The following PRSS56 variants were observed in gnomAD, a reference collection of about 807,000 sequenced individuals.
The protein encoded by PRSS56 is serine protease 56, also known as protease, serine 56.
A neutral mutation model predicts 66.8 loss-of-function variants in PRSS56; 55 were observed. The observed-to-expected ratio is 0.82, with a 90% CI of 0.66 to 1.03. The LOEUF is 1.03. PRSS56 is among the 50% of genes least tolerant of loss of function. The pLI is 0.00. For synonymous variants in PRSS56, 409 were observed against 387.9 expected (o/e 1.05, Z -0.64); for missense variants, 869 against 837.2 (o/e 1.04, Z -0.47).
At chr2:232,521,529 G>A (rs552022874) in intron 2 of PRSS56, 101 bp downstream of exon 2, 4 of 1,006,110 alleles carry the variant, frequency 4.0e-6, no homozygotes, top group South Asian at 1.4e-5. Context: ...TCCTCTTGGG[G>A]GCAGAGACTG....
In PRSS56 at chr2:232,523,820, C is replaced by A. The variant is rs1007273591; in HGVS notation, c.1061C>A (p.Pro354His). Residue 354 changes from proline (P) to histidine (H), a missense_variant, in exon 9 of 13, where the codon CCC (proline) becomes CAC (histidine). By Grantham distance (77) the Pro-to-His change is moderately conservative. Transcript: ENST00000617714. ...TGCAGGGAGCTTCTGGCCTGGGACC[C>A]CCCCCAGGAGCTGCAGGCAGACGCC... ...PSCRELLAWD[P>H]PQELQADAAR... 8 of 1,533,672 alleles carry A rather than the reference C, an allele frequency of 5.2e-6. No homozygotes were observed. Among genetic ancestry groups the A allele is most frequent in the South Asian group, 3.6e-5 (3 of 83,956 alleles).
rs1012378462 is a variant in PRSS56 at position 232,525,519 on chromosome 2, C to A, written c.*13C>A. On this transcript the variant is annotated 3_prime_UTR_variant, in exon 13 of 13. Coordinates refer to ENST00000617714, the MANE Select transcript of PRSS56 (RefSeq NM_001195129.2). Reference sequence around the variant, plus strand: ...CAGGCAACCCTGAGCCATGTCTGGGCCCCCAGCCCCTGGGGAGGACCTACT... The same window carrying A: ...CAGGCAACCCTGAGCCATGTCTGGGACCCCAGCCCCTGGGGAGGACCTACT... 6.9e-6 allele frequency: 10 copies of A among 1,450,658 alleles called. No individual in the cohort carries two copies. The African/African-American group carries it at 1.0e-4, about 14-fold the overall frequency. The allele number at this position is 1,450,658 out of a possible 1,614,324, so 89.9% of individuals were successfully genotyped here. A position where few individuals can be genotyped will look rare whatever the true frequency, so the allele number is the denominator to read the frequency against.
Position 232,525,665 on chromosome 2 carries a change from C to A in PRSS56, c.*159C>A. 1.8e-6 allele frequency: 1 copy of A among 563,384 alleles called. No homozygotes were observed. Among genetic ancestry groups the A allele is most frequent in the Non-Finnish European group, 3.0e-6 (1 of 335,652 alleles). 34.9% of individuals were successfully genotyped at this position (563,384 alleles called of 1,614,324 possible). A position where few individuals can be genotyped will look rare whatever the true frequency, so the allele number is the denominator to read the frequency against. ...GGCCCCCCGTGTCTTCCCAGGTTTA[C>A]AATCAGAGAATCACAGCTGCTTTAA... On this transcript the variant is annotated 3_prime_UTR_variant, in exon 13 of 13. Transcript: ENST00000617714.
chr2:232,522,465 C>G (rs1361180782), intron 4 of PRSS56, 50 bp from the exon 5 acceptor site: 15 of 1,443,158 alleles, frequency 1.0e-5, no homozygotes, highest in Non-Finnish European at 1.4e-5. Context: ...GAGGGGCCTG[C>G]GGGGTGTGCC....
rs1433052902 is a variant in PRSS56, at chr2:232,524,320, A to G, written c.1365A>G (p.Ala455=). 6.5e-7 allele frequency: 1 copy of G among 1,535,698 alleles called. No homozygotes were observed. Among genetic ancestry groups the G allele is most frequent in the Non-Finnish European group, 8.7e-7 (1 of 1,146,808 alleles). The change falls in exon 11 of 13, where the codon GCA becomes GCG. Residue 455 remains alanine (A), a synonymous_variant. Transcript: ENST00000617714. The stretch of plus-strand genomic sequence containing the variant: ...GTGCCTCCCCAGGATCGCGGGCTGC[A>G]GGCACTCGGTTCCCGAAGCGGAGGC... The part of the protein sequence containing the change: ...ELRLHSGSRA[A]GTRFPKRRPE...
intron 1 of PRSS56, 60 bp from the exon 2 acceptor site, chr2:232,521,261 G>A (rs1158141592): frequency 3.0e-6 from 4 of 1,355,688 alleles, no homozygotes; most frequent in Admixed American, 2.0e-5. Flanking sequence ...CTGGGGCCAG[G>A]AGGATGAGGC....
intron 4 of PRSS56, 58 bp downstream of exon 4, chr2:232,522,218 T>C (rs1048260802): frequency 2.4e-5 from 32 of 1,348,116 alleles, no homozygotes; most frequent in Non-Finnish European, 3.0e-5. Context: ...GCCCCGCACC[T>C]GCCGGGTTGT....
chr2:232,525,108 C>T, intron 12 of PRSS56, 108 bp from the exon 13 acceptor site: 3 of 1,142,396 alleles, frequency 2.6e-6, no homozygotes, highest in African/African-American at 1.6e-5. Flanking sequence ...GCAGGGTTTC[C>T]AGGTCTAGGT....
chr2:232,522,609 C>T lies in PRSS56; in HGVS notation c.541C>T (p.Pro181Ser). ...EVPVNRILPH[P>S]KFDPRTFHND... ...GCCAGTGAACCGCATCCTGCCCCAC[C>T]CCAAGGTGAGAAGGCAGTCCCCAGG... Residue 181 changes from proline (P) to serine (S), a missense_variant, in exon 5 of 13, where the codon CCC (proline) becomes TCC (serine). Coordinates refer to ENST00000617714, the MANE Select transcript of PRSS56 (RefSeq NM_001195129.2). The T allele has an allele frequency of 6.5e-7, 1 of 1,535,260 alleles. No homozygotes were observed. Among genetic ancestry groups the T allele is most frequent in the Non-Finnish European group, 8.7e-7 (1 of 1,146,440 alleles).
At chr2:232,522,199 C>T (rs1428631060) in intron 4 of PRSS56, 39 bp downstream of exon 4, 10 of 1,413,062 alleles carry the variant, frequency 7.1e-6, no homozygotes, top group East Asian at 3.0e-5. Context: ...CTGGGGTCCC[C>T]GGCGCTGGGC....
At position 232,521,888 on chromosome 2, in the gene PRSS56, G is replaced by A. The variant is rs1187096937; in HGVS notation, c.256+22G>A. The A allele has an allele frequency of 2.0e-6, 3 of 1,534,292 alleles. No homozygotes were observed. The South Asian group carries it at 3.6e-5, about 18-fold the overall frequency. ...CCAGGTGAGGTTGAAAAGGCTCGAG[G>A]GGGCAGGCCTGAGAGCCGGGTGGGC... On this transcript the variant is annotated intron_variant, in intron 3 of 12. Coordinates refer to ENST00000617714, the MANE Select transcript of PRSS56 (RefSeq NM_001195129.2).
rs768223967 is a variant in PRSS56 at position 232,521,775 on chromosome 2, G to A, written c.206-41G>A. ...GGCCCAGCCTGGGGTGAGGACAGGC[G>A]AGAGGGCAGCAGTGAGACTCAAAGG... On this transcript the variant is annotated intron_variant, in intron 2 of 12. Coordinates refer to ENST00000617714, the MANE Select transcript of PRSS56 (RefSeq NM_001195129.2). The A allele has an allele frequency of 3.9e-6, 6 of 1,532,008 alleles. No individual in the cohort carries two copies. In the South Asian group the frequency reaches 6.0e-5, roughly 15 times the overall value. The allele number at this position is 1,532,008 out of a possible 1,614,324, so 94.9% of individuals were successfully genotyped here.
At position 232,521,432 on chromosome 2, in the gene PRSS56, C is replaced by T. The variant is rs1251468520; in HGVS notation, c.205+4C>T. 1 of 1,533,602 alleles carries T rather than the reference C, an allele frequency of 6.5e-7. No individual in the cohort carries two copies. The highest frequency in any genetic ancestry group is 1.2e-5 in the South Asian group (1 of 83,992). 95.0% of individuals were successfully genotyped at this position (1,533,602 alleles called of 1,614,324 possible). On this transcript the variant is annotated splice_donor_region_variant and intron_variant, in intron 2 of 12. Transcript: ENST00000617714. ...CACAGATCGCACGAGTGCCGAGGTG[C>T]CCACCCTGCCCCCCGTGCCCCAGTG...
At position 232,521,885 on chromosome 2, in the gene PRSS56, G is replaced by C. The variant is rs533640773; in HGVS notation, c.256+19G>C. ...GAGCCAGGTGAGGTTGAAAAGGCTC[G>C]AGGGGGCAGGCCTGAGAGCCGGGTG... On this transcript the variant is annotated intron_variant, in intron 3 of 12. Transcript: ENST00000617714. The C allele has an allele frequency of 2.0e-6, 3 of 1,534,898 alleles. No individual in the cohort carries two copies. The highest frequency in any genetic ancestry group is 2.7e-5 in the African/African-American group (2 of 73,050).
In PRSS56 at chr2:232,520,516, C is replaced by A. The variant is rs920338423; in HGVS notation, c.-83C>A. The A allele has an allele frequency of 6.4e-6, 7 of 1,096,174 alleles. No homozygotes were observed. The highest frequency in any genetic ancestry group is 8.0e-6 in the Non-Finnish European group (6 of 746,106). 67.9% of individuals were successfully genotyped at this position (1,096,174 alleles called of 1,614,324 possible). A position where few individuals can be genotyped will look rare whatever the true frequency, so the allele number is the denominator to read the frequency against. On this transcript the variant is annotated 5_prime_UTR_variant, in exon 1 of 13. Transcript: ENST00000617714. ...CCGGGGGCCGAAAGGCAGCAGAAGG[C>A]GGGCACCAAAGGATAGGCACCCGGA... is the stretch of plus-strand genomic sequence containing the variant.
Position 232,523,757 on chromosome 2 carries a change from T to C in PRSS56, c.1013-15T>C. ...CAAACAGAGGGTGAGCTGACCCCTG[T>C]CCCGCCCGCAGCAGCCTCCTCCAGC... On this transcript the variant is annotated splice_polypyrimidine_tract_variant and intron_variant, in intron 8 of 12. Transcript: ENST00000617714. 6.5e-7 allele frequency: 1 copy of C among 1,533,680 alleles called. No homozygotes were observed. Among genetic ancestry groups the C allele is most frequent in the Non-Finnish European group, 8.7e-7 (1 of 1,146,644 alleles).
Position 232,524,734 on chromosome 2 carries a change from C to T in PRSS56, c.1415-4C>T. ...TATTCCCGGGGCCTCTCCTCTTCCT[C>T]CAGGCTGCCCTGGGCTGGAGCCCCT... On this transcript the variant is annotated splice_polypyrimidine_tract_variant and splice_region_variant and intron_variant, in intron 11 of 12. Coordinates refer to ENST00000617714, the MANE Select transcript of PRSS56 (RefSeq NM_001195129.2). The T allele has an allele frequency of 6.6e-7, 1 of 1,513,530 alleles. No homozygotes were observed. The highest frequency in any genetic ancestry group is 2.5e-5 in the East Asian group (1 of 40,276). The allele number at this position is 1,513,530 out of a possible 1,614,324, so 93.8% of individuals were successfully genotyped here.
chr2:232,521,225 T>G (rs1337242391), intron 1 of PRSS56, 96 bp from the exon 2 acceptor site: 32 of 930,926 alleles, frequency 3.4e-5, no homozygotes, highest in Non-Finnish European at 5.3e-5. Context: ...CCCAGGCTGG[T>G]GGGTCTCCCG....
rs1691382756 is a variant in PRSS56 at position 232,524,842 on chromosome 2, G to A, written c.1519G>A (p.Glu507Lys). The A allele has an allele frequency of 1.3e-6, 2 of 1,533,524 alleles. No homozygotes were observed. The highest frequency in any genetic ancestry group is 2.4e-5 in the East Asian group (1 of 40,864). 95.0% of individuals were successfully genotyped at this position (1,533,524 alleles called of 1,614,324 possible). The change falls in exon 12 of 13, where the codon GAG (glutamate) becomes AAG (lysine). Residue 507 changes from glutamate to lysine, a missense_variant and splice_region_variant. Coordinates refer to ENST00000617714, the MANE Select transcript of PRSS56 (RefSeq NM_001195129.2). ...GGAGCACCTGGCCATGAACTTTCAT[G>A]AGGTAGGTCCCCAGGCTTCCAGACT... ...PSEHLAMNFH[E>K]VLADLGSKTL...
Sources: allele counts gnomAD v4.1 joint callset, GRCh38; gene constraint gnomAD v4.1.1; transcripts MANE v1.5; gene names NCBI Gene and HGNC (gene_info 2026-07-23, HGNC 2026-07-21).